The following DESI2 variants were observed in gnomAD, a reference collection of about 807,000 sequenced individuals.
DESI2 encodes deubiquitinase DESI2.
In DESI2, 10 loss-of-function variants were observed where a neutral mutation model predicts 24.1. The observed-to-expected ratio is 0.41, with a 90% CI of 0.26 to 0.70. The LOEUF (loss-of-function observed/expected upper bound fraction) is 0.70. Ranked by LOEUF, DESI2 falls within the 30% of genes least tolerant of loss-of-function variation. The pLI is 0.29. For missense variants in DESI2, 122 were observed against 234.9 expected (o/e 0.52, Z 3.14); for synonymous variants, 71 against 87.7 (o/e 0.81, Z 1.06).
chr1:244,669,515 C>T (rs1269137128), intron 1 of DESI2, among the ~76,000 whole-genome samples: 1 of 151,918 alleles, frequency 6.6e-6, no homozygotes, highest in African/African-American at 2.4e-5. Flanking sequence ...CCCATCACTA[C>T]TAAAAATACA....
At chr1:244,694,181 C>T (rs769046553) in intron 4 of DESI2, among the ~76,000 whole-genome samples, 14 of 152,154 alleles carry the variant, frequency 9.2e-5, no homozygotes, top group Non-Finnish European at 2.1e-4. Flanking sequence ...GTTATCAGTT[C>T]CGATGCTTCC....
intron 4 of DESI2, among the ~76,000 whole-genome samples, chr1:244,700,151 G>A (rs967465159): frequency 1.4e-4 from 21 of 152,060 alleles, no homozygotes; most frequent in African/African-American, 2.9e-4. Context: ...ATACCCTTTC[G>A]CTGTGGTAAG....
At chr1:244,697,319 C>A (rs1378405123) in intron 4 of DESI2, among the ~76,000 whole-genome samples, 1 of 151,806 alleles carries the variant, frequency 6.6e-6, no homozygotes, top group South Asian at 2.1e-4. Context: ...ACCAGCCTGG[C>A]CAACTTGGTG....
chr1:244,692,118 C>A, intron 4 of DESI2, 98 bp downstream of exon 4: 2 of 1,083,680 alleles, frequency 1.8e-6, no homozygotes, highest in East Asian at 2.6e-5. Context: ...ACTTCTTTTC[C>A]GATTTTTTGT....
rs1013435900 is a variant in DESI2 at position 244,706,422 on chromosome 1, G to A, written c.*633G>A. ...GTAGCACATCTCCCCAGGTGCCCAT[G>A]GAACACCTGCTTTCATCCCAAATAT... is the stretch of plus-strand genomic sequence containing the variant. On this transcript the variant is annotated 3_prime_UTR_variant, in exon 5 of 5. Transcript: ENST00000302550. The A allele has an allele frequency of 3.3e-5, 5 of 152,806 alleles. No homozygotes were observed. Among genetic ancestry groups the A allele is most frequent in the Admixed American group, 6.5e-5 (1 of 15,280 alleles). 9.5% of individuals were successfully genotyped at this position (152,806 alleles called of 1,614,324 possible).
intron 1 of DESI2, among the ~76,000 whole-genome samples, chr1:244,671,005 T>C (rs990141000): frequency 1.3e-5 from 2 of 152,226 alleles, no homozygotes; most frequent in Non-Finnish European, 2.9e-5. Flanking sequence ...AGTTTGATCC[T>C]AAGGGAAAGA....
intron 1 of DESI2, 129 bp from the exon 2 acceptor site, chr1:244,686,468 G>C (rs2148804854): frequency 1.5e-6 from 1 of 645,448 alleles, no homozygotes; most frequent in East Asian, 2.7e-5. Flanking sequence ...CAGAGCCACA[G>C]AGACAGGACC....
Position 244,705,632 on chromosome 1 carries a change from G to A in DESI2, c.428G>A (p.Ser143Asn). The A allele has an allele frequency of 6.2e-7, 1 of 1,614,218 alleles. No homozygotes were observed. Among genetic ancestry groups the A allele is most frequent in the African/African-American group, 1.3e-5 (1 of 75,064 alleles). The part of the protein sequence containing the change: ...YFSSCIPFLQ[S>N]CLPKEWLTPA... ...AGCTCCTGTATACCCTTTCTACAGA[G>A]TTGCCTCCCGAAGGAGTGGCTCACG... Residue 143 changes from serine (S) to asparagine (N), a missense_variant, in exon 5 of 5, where the codon AGT becomes AAT. Ser to Asn is a conservative substitution (Grantham distance 46). This residue lies in a region of DESI2 where 56 missense variants were observed against 67.9 expected (regional missense o/e 0.82). Coordinates refer to ENST00000302550, the MANE Select transcript of DESI2 (RefSeq NM_016076.5).
At chr1:244,705,467 G>A (rs915475137) in intron 4 of DESI2, 89 bp from the exon 5 acceptor site, 28 of 1,102,634 alleles carry the variant, frequency 2.5e-5, no homozygotes, top group African/African-American at 7.7e-5. Context: ...TCTGTACGCC[G>A]CCCCCCTCCT....
Position 244,689,179 on chromosome 1 carries a change from A to G in DESI2, c.116-70A>G, listed in dbSNP as rs937643200. The G allele has an allele frequency of 3.9e-5, 31 of 794,566 alleles. No homozygotes were observed. In the African/African-American group the frequency reaches 5.2e-4, roughly 13 times the overall value. 49.2% of individuals were successfully genotyped at this position (794,566 alleles called of 1,614,324 possible). A position where few individuals can be genotyped will look rare whatever the true frequency, so the allele number is the denominator to read the frequency against. On this transcript the variant is annotated intron_variant, in intron 2 of 4. Coordinates refer to ENST00000302550, the MANE Select transcript of DESI2 (RefSeq NM_016076.5). This position sits in a 1 kb window ranked among gnomAD's most constrained non-coding sequence, Gnocchi z 4.0. ...GGTGTCACTGTTATCCTCAATTATTAAAGCTAATTCAGCATTCTGGTTAAA... is the reference window on the plus strand; with the variant it reads ...GGTGTCACTGTTATCCTCAATTATTGAAGCTAATTCAGCATTCTGGTTAAA...
chr1:244,681,690 G>T (rs1676619248), intron 1 of DESI2, among the ~76,000 whole-genome samples: 1 of 152,214 alleles, frequency 6.6e-6, no homozygotes, highest in South Asian at 2.1e-4. Context: ...GTCTCAGTTT[G>T]AGATTTCTTT....
chr1:244,671,664 A>G (rs1300824334), intron 1 of DESI2, among the ~76,000 whole-genome samples: 2 of 152,310 alleles, frequency 1.3e-5, no homozygotes, highest in Non-Finnish European at 2.9e-5. Flanking sequence ...AAAATCAATG[A>G]AGGCTTATCC....
At chr1:244,699,452 C>T (rs61844163) in intron 4 of DESI2, among the ~76,000 whole-genome samples, 5,647 of 151,486 alleles carry the variant, frequency 0.037, 156 homozygotes, top group Middle Eastern at 0.085. Flanking sequence ...CATGGTGGCG[C>T]GGACCTGTAG....
At chr1:244,654,773 C>G (rs1439115456) in intron 1 of DESI2, among the ~76,000 whole-genome samples, 1 of 152,156 alleles carries the variant, frequency 6.6e-6, no homozygotes, top group Non-Finnish European at 1.5e-5. Context: ...CTCTTAACTG[C>G]CCTTTTACTT....
Position 244,704,165 on chromosome 1 carries a change from A to G in DESI2, c.352-1391A>G, listed in dbSNP as rs1275040630. Among the ~76,000 whole-genome samples the G allele has an allele frequency of 2.0e-5, 3 of 152,362 alleles. No homozygotes were observed. In the East Asian group the frequency reaches 5.8e-4, roughly 29 times the overall value. On this transcript the variant is annotated intron_variant, in intron 4 of 4. Coordinates refer to ENST00000302550, the MANE Select transcript of DESI2 (RefSeq NM_016076.5). The stretch of plus-strand genomic sequence containing the variant: ...TTTAGGGAGAAAAGGTACACGTTGT[A>G]TAATTATAGGTGCCAACTTATTAAA...
intron 1 of DESI2, chr1:244,656,231 G>A (rs1409027813): frequency 6.6e-6 from 1 of 152,150 alleles, no homozygotes; most frequent in Non-Finnish European, 1.5e-5. Context: ...CTTGCCATGT[G>A]TCCTTGTGTC....
At chr1:244,686,807 T>A in intron 2 of DESI2, 138 bp downstream of exon 2, 5 of 562,578 alleles carry the variant, frequency 8.9e-6, no homozygotes, top group Non-Finnish European at 1.6e-5. Flanking sequence ...TCTCCCCATA[T>A]TCATTTATAC....
chr1:244,655,694 G>C (rs190152783), intron 1 of DESI2, among the ~76,000 whole-genome samples: 166 of 152,304 alleles, frequency 1.1e-3, no homozygotes, highest in African/African-American at 3.7e-3. Context: ...AAAATCAAAG[G>C]TATGAAACTT....
rs185393320 is a variant in DESI2 at position 244,684,062 on chromosome 1, G to A, written c.43-2535G>A. Reference sequence around the variant, plus strand: ...ATTATATAGATATATCATAGTTTATGTAACTAGGACCCTATAAATGAACAT... The same window carrying A: ...ATTATATAGATATATCATAGTTTATATAACTAGGACCCTATAAATGAACAT... On this transcript the variant is annotated intron_variant, in intron 1 of 4. Coordinates refer to ENST00000302550, the MANE Select transcript of DESI2 (RefSeq NM_016076.5). Among the ~76,000 whole-genome samples, 227 of 152,060 alleles carry A rather than the reference G, an allele frequency of 1.5e-3. 1 individual carries two copies. The highest frequency in any genetic ancestry group is 2.8e-3 in the Non-Finnish European group (187 of 67,992).
Sources: allele counts gnomAD v4.1 joint callset (sites outside exome capture counted in the v4.1 genomes callset), GRCh38; gene constraint gnomAD v4.1.1; regional missense constraint gnomAD v4.1.1; non-coding constraint Gnocchi (gnomAD v3.1); transcripts MANE v1.5; gene names NCBI Gene and HGNC (gene_info 2026-07-23, HGNC 2026-07-21).